PTDSS1: variants seen among roughly 807,000 people sequenced by gnomAD.
PTDSS1 encodes the protein phosphatidylserine synthase 1, also known as PSS-1.
Under a neutral mutation model 70.5 loss-of-function variants are expected in PTDSS1, and 45 were observed. The ratio of observed to expected loss-of-function variants is 0.64; its 90% CI spans 0.50 to 0.82. The LOEUF (loss-of-function observed/expected upper bound fraction) is 0.82. PTDSS1 is among the 40% of genes least tolerant of loss of function. The pLI is 0.00. For synonymous variants in PTDSS1, 188 were observed against 203.8 expected, an observed-to-expected ratio of 0.92 and a Z score of 0.66; for missense variants, 417 against 586.1, an observed-to-expected ratio of 0.71 and a Z score of 2.98.
intron 6 of PTDSS1, among the ~76,000 whole-genome samples, chr8:96,301,644 C>A (rs549413585): frequency 4.0e-4 from 61 of 151,708 alleles, no homozygotes; most frequent in Non-Finnish European, 7.2e-4. Flanking sequence ...CTCAGCCTCC[C>A]GAGTAGCTGG....
chr8:96,312,460 CTCT>C (rs1811226367), intron 9 of PTDSS1, among the ~76,000 whole-genome samples: 1 of 144,722 alleles, frequency 6.9e-6, no homozygotes, highest in African/African-American at 2.7e-5. Flanking sequence ...CCCTGTCTCT[CTCT>C]TTTTTTTTTT....
In PTDSS1 at chr8:96,320,317, T is replaced by C. The variant is rs1811356854; in HGVS notation, c.1145T>C (p.Leu382Pro). 3.7e-6 allele frequency: 6 copies of C among 1,612,778 alleles called. No homozygotes were observed. The South Asian group carries it at 6.6e-5, about 18-fold the overall frequency. Residue 382 changes from leucine (L) to proline (P), a missense_variant, in exon 10 of 13, where the codon CTC becomes CCC. Leu to Pro is a moderately conservative substitution (Grantham distance 98). Transcript: ENST00000517309. ...GQDLFSKTQI[L>P]YVVLWLLCVA... ...GATCTCTTCTCTAAGACCCAAATAC[T>C]CTATGTTGTGCTTTGGCTTCTTTGC...
chr8:96,296,620 T>A (rs1810979576), intron 5 of PTDSS1, among the ~76,000 whole-genome samples: 3 of 152,218 alleles, frequency 2.0e-5, no homozygotes. Flanking sequence ...ATAGGAGTTT[T>A]GAGAGGACAC....
chr8:96,315,256 G>A lies in PTDSS1; in HGVS notation c.1074-4990G>A, dbSNP rs188381868. ...ACACATCTCATTTCCACTATTGGAG[G>A]CTGGGCCCTGGCTGCCAGGAGAGGG... On this transcript the variant is annotated intron_variant, in intron 9 of 12. Transcript: ENST00000517309. 3.4e-3 allele frequency among the ~76,000 whole-genome samples: 514 copies of A among 152,250 alleles called. 8 individuals are homozygous for A. The highest frequency in any genetic ancestry group is 0.028 in the Admixed American group (424 of 15,296).
Position 96,288,414 on chromosome 8 carries a change from T to A in PTDSS1, c.441+1268T>A, listed in dbSNP as rs182774878. Among the ~76,000 whole-genome samples the A allele has an allele frequency of 5.9e-3, 890 of 152,102 alleles. 11 individuals carry two copies. The highest frequency in any genetic ancestry group is 0.02 in the African/African-American group (838 of 41,460). On this transcript the variant is annotated intron_variant, in intron 4 of 12. Coordinates refer to ENST00000517309, the MANE Select transcript of PTDSS1 (RefSeq NM_014754.3). Reference sequence around the variant, plus strand: ...ATCTCGGCTCACTGCAGCCTCTGTCTCCCAGGTTCAAGCGATTATCCTGCT... The same window carrying A: ...ATCTCGGCTCACTGCAGCCTCTGTCACCCAGGTTCAAGCGATTATCCTGCT...
At chr8:96,299,981 AT>A in intron 6 of PTDSS1, 136 bp downstream of exon 6, 2 of 1,148,624 alleles carry the variant, frequency 1.7e-6, no homozygotes, top group Non-Finnish European at 2.4e-6. Context: ...CTCATAAATG[AT>A]TATAAACCTG....
chr8:96,330,361 G>T (rs752398812), intron 11 of PTDSS1, 80 bp downstream of exon 11: 26 of 1,361,272 alleles, frequency 1.9e-5, no homozygotes, highest in Non-Finnish European at 2.5e-5. Flanking sequence ...GCACGTGCCT[G>T]TAAGGATATG....
In PTDSS1 at chr8:96,291,454, T is replaced by A. The variant is rs1416994558; in HGVS notation, c.442-3644T>A. On this transcript the variant is annotated intron_variant, in intron 4 of 12. Coordinates refer to ENST00000517309, the MANE Select transcript of PTDSS1 (RefSeq NM_014754.3). ...AAACCTAAAATAGATGGGCTTTTCT[T>A]TTTTTTTTTTTTTTTGGCATAACCA... Among the ~76,000 whole-genome samples the A allele has an allele frequency of 2.8e-5, 4 of 141,974 alleles. No homozygotes were observed. In the East Asian group the frequency reaches 7.9e-4, roughly 28 times the overall value. 93.1% of individuals were successfully genotyped at this position (141,974 alleles called of 152,430 possible).
intron 3 of PTDSS1, among the ~76,000 whole-genome samples, chr8:96,285,402 C>T (rs565769422): frequency 1.3e-5 from 2 of 151,130 alleles, no homozygotes; most frequent in Non-Finnish European, 2.9e-5. Context: ...GACTGTGGGC[C>T]AGGGTAAAGA....
In PTDSS1 at chr8:96,262,872, G is replaced by A. The variant is rs921653063; in HGVS notation, c.179+653G>A. Among the ~76,000 whole-genome samples the A allele has an allele frequency of 1.3e-5, 2 of 152,142 alleles. No homozygotes were observed. The highest frequency in any genetic ancestry group is 4.8e-5 in the African/African-American group (2 of 41,416). ...TACCATCTGTACCACGGCACAAACT[G>A]CCACTCTAAACACACACCTCACAGC... On this transcript the variant is annotated intron_variant, in intron 1 of 12. Transcript: ENST00000517309. The surrounding 1 kb of genome is among the most constrained non-coding windows in gnomAD (Gnocchi z 4.4).
Position 96,314,341 on chromosome 8 carries a change from G to A in PTDSS1, c.1073+4719G>A, listed in dbSNP as rs116047025. ...GGATTACAGGCATTGGCCACGGCAC[G>A]CAGCCTAGACTGTCTGTCTTAAGGG... On this transcript the variant is annotated intron_variant, in intron 9 of 12. Coordinates refer to ENST00000517309, the MANE Select transcript of PTDSS1 (RefSeq NM_014754.3). 4.0e-3 allele frequency among the ~76,000 whole-genome samples: 602 copies of A among 152,130 alleles called. 3 individuals are homozygous for A. Among genetic ancestry groups the A allele is most frequent in the African/African-American group, 0.013 (549 of 41,524 alleles).
At position 96,334,511 on chromosome 8, in the gene PTDSS1, C is replaced by T. The variant is rs1456541111; in HGVS notation, c.*945C>T. ...TGATAGTTCACCACCTCTGATGGAT[C>T]CCTGTTTTAAATAAAAACGATTCAC... On this transcript the variant is annotated 3_prime_UTR_variant, in exon 13 of 13. Coordinates refer to ENST00000517309, the MANE Select transcript of PTDSS1 (RefSeq NM_014754.3). The T allele has an allele frequency of 3.3e-5, 5 of 152,596 alleles. No individual in the cohort carries two copies. The highest frequency in any genetic ancestry group is 7.3e-5 in the Non-Finnish European group (5 of 68,052). 9.5% of individuals were successfully genotyped at this position (152,596 alleles called of 1,614,324 possible).
intron 2 of PTDSS1, 109 bp downstream of exon 2, chr8:96,273,499 T>A: frequency 1.2e-6 from 1 of 859,256 alleles, no homozygotes; most frequent in Non-Finnish European, 1.8e-6. Flanking sequence ...GAGTTTTGTG[T>A]AGTGGTTAGG....
chr8:96,279,151 T>G (rs968390149), intron 2 of PTDSS1, among the ~76,000 whole-genome samples: 4 of 151,364 alleles, frequency 2.6e-5, no homozygotes, highest in Non-Finnish European at 5.9e-5. Context: ...TTTTTTTTTT[T>G]TGTATTTTTA....
intron 1 of PTDSS1, among the ~76,000 whole-genome samples, chr8:96,263,915 ATT>A (rs1174007081): frequency 1.3e-5 from 2 of 152,224 alleles, no homozygotes; most frequent in Non-Finnish European, 2.9e-5. Flanking sequence ...TCTGGGATTC[ATT>A]TGACTCTTGG....
At chr8:96,307,449 CAAAAAAAAAAAAAA>C (rs56284473) in intron 8 of PTDSS1, among the ~76,000 whole-genome samples, 17 of 50,634 alleles carry the variant, frequency 3.4e-4, no homozygotes, top group Non-Finnish European at 5.1e-4. Context: ...TCAATATTAC[CAAAAAAAAAAAAAA>C]AAAAAAAAAA....
chr8:96,299,213 A>G (rs565380825), intron 5 of PTDSS1, among the ~76,000 whole-genome samples: 2 of 152,216 alleles, frequency 1.3e-5, no homozygotes, highest in African/African-American at 4.8e-5. Flanking sequence ...ACATCGTGTC[A>G]TCAAGAGCTA....
rs760539354 is a variant in PTDSS1 at position 96,295,275 on chromosome 8, G to T, written c.600+19G>T. Reference sequence around the variant, plus strand: ...GACTGAGGTAAGAAGGAGGGCATTGGGGGTTCCCCAGACTGTGCCATGTGT... The same window carrying T: ...GACTGAGGTAAGAAGGAGGGCATTGTGGGTTCCCCAGACTGTGCCATGTGT... On this transcript the variant is annotated intron_variant, in intron 5 of 12. Coordinates refer to ENST00000517309, the MANE Select transcript of PTDSS1 (RefSeq NM_014754.3). 1.2e-6 allele frequency: 2 copies of T among 1,607,802 alleles called. No individual in the cohort carries two copies. The highest frequency in any genetic ancestry group is 1.7e-6 in the Non-Finnish European group (2 of 1,176,572).
intron 4 of PTDSS1, among the ~76,000 whole-genome samples, chr8:96,292,306 A>AAAAAG (rs1554583743): frequency 6.5e-4 from 96 of 148,710 alleles, no homozygotes; most frequent in Middle Eastern, 3.4e-3. Flanking sequence ...AAAAAAAAAA[A>AAAAAG]AAAAGAAAAG....
Sources: allele counts gnomAD v4.1 joint callset (sites outside exome capture counted in the v4.1 genomes callset), GRCh38; gene constraint gnomAD v4.1.1; non-coding constraint Gnocchi (gnomAD v3.1); transcripts MANE v1.5; gene names NCBI Gene and HGNC (gene_info 2026-07-23, HGNC 2026-07-21).